COL8A2: variants seen among roughly 807,000 people sequenced by gnomAD.
COL8A2 encodes the protein collagen alpha-2(VIII) chain.
A neutral mutation model predicts 24.0 loss-of-function variants in COL8A2; 16 were observed. That is an observed-to-expected ratio of 0.67 (90% CI 0.45 to 1.01). COL8A2 has a LOEUF of 1.01. Ranked by LOEUF, COL8A2 falls within the 50% of genes least tolerant of loss-of-function variation. The pLI, the probability that COL8A2 is intolerant of heterozygous loss-of-function variation, is 0.00. For missense variants in COL8A2, 818 were observed against 942.4 expected (o/e 0.87, Z 1.73); for synonymous variants, 466 against 424.5 (o/e 1.10, Z -1.20).
At chr1:36,124,976 T>C (rs1026186665) in intron 1 of COL8A2, 81 bp downstream of exon 1, 22 of 478,448 alleles carry the variant, frequency 4.6e-5, no homozygotes, top group Non-Finnish European at 5.7e-5. Context: ...CTATCCCGCA[T>C]GGTGTTGGGG....
intron 2 of COL8A2, among the ~76,000 whole-genome samples, chr1:36,106,183 G>A (rs1400247651): frequency 2.0e-5 from 3 of 151,778 alleles, no homozygotes; most frequent in Non-Finnish European, 4.4e-5. Flanking sequence ...AGAATCACTG[G>A]AATCCAGGGG....
In COL8A2 at chr1:36,115,412, C is replaced by A. The variant is rs906672967; in HGVS notation, c.-17+296G>T. ...GGGGCTGGGCTGGGCAGGGAGGGGG[C>A]CTGGCGGGAGCACAGCCAGGCCACT... On this transcript the variant is annotated intron_variant, in intron 2 of 3. Coordinates refer to ENST00000397799, the MANE Select transcript of COL8A2 (RefSeq NM_005202.4). This position sits in a 1 kb window ranked among gnomAD's most constrained non-coding sequence, Gnocchi z 5.7. 3.3e-5 allele frequency among the ~76,000 whole-genome samples: 5 copies of A among 152,174 alleles called. No homozygotes were observed. The highest frequency in any genetic ancestry group is 6.5e-5 in the Admixed American group (1 of 15,270).
intron 2 of COL8A2, among the ~76,000 whole-genome samples, chr1:36,113,005 G>A (rs1216010520): frequency 6.6e-6 from 1 of 152,202 alleles, no homozygotes; most frequent in African/African-American, 2.4e-5. Flanking sequence ...TCCTGGAGGA[G>A]GAGGCATGCT....
rs764178131 is a variant in COL8A2 at position 36,115,812 on chromosome 1, A to G, written c.-61-60T>C. 153 of 944,270 alleles carry G rather than the reference A, an allele frequency of 1.6e-4. No individual in the cohort carries two copies. Among genetic ancestry groups the G allele is most frequent in the Non-Finnish European group, 1.9e-4 (147 of 792,584 alleles). 58.5% of individuals were successfully genotyped at this position (944,270 alleles called of 1,614,324 possible). A position where few individuals can be genotyped will look rare whatever the true frequency, so the allele number is the denominator to read the frequency against. The stretch of plus-strand genomic sequence containing the variant: ...GGCAGTGGCTCAAGCTTGTAATCCC[A>G]GCACTTTGGGAGGCTAAGGTGGGAA... On this transcript the variant is annotated intron_variant, in intron 1 of 3. Transcript: ENST00000397799. This position sits in a 1 kb window ranked among gnomAD's most constrained non-coding sequence, Gnocchi z 5.7.
At chr1:36,101,954 G>A (rs906747207) in intron 2 of COL8A2, among the ~76,000 whole-genome samples, 5 of 152,028 alleles carry the variant, frequency 3.3e-5, no homozygotes, top group Admixed American at 1.3e-4. Context: ...AGAGGTGGGT[G>A]AATTGTCTGA....
chr1:36,098,165 T>G lies in COL8A2; in HGVS notation c.1516A>C (p.Thr506Pro). ...RAGEPGTAGP[T>P]GPPGVPGSPG... ...GAGCCAGGGACCCCTGGGGGCCCCG[T>G]GGGCCCAGCCGTGCCAGGTTCCCCT... The change falls in exon 4 of 4, where the codon ACG (threonine) becomes CCG (proline). Residue 506 changes from threonine to proline, a missense_variant. Physicochemically the swap from Thr to Pro is conservative, Grantham distance 38 (BLOSUM62 -1). Coordinates refer to ENST00000397799, the MANE Select transcript of COL8A2 (RefSeq NM_005202.4). 2.0e-6 allele frequency: 3 copies of G among 1,493,244 alleles called. No homozygotes were observed. Among genetic ancestry groups the G allele is most frequent in the Non-Finnish European group, 1.8e-6 (2 of 1,125,430 alleles). The allele number at this position is 1,493,244 out of a possible 1,614,324, so 92.5% of individuals were successfully genotyped here. A position where few individuals can be genotyped will look rare whatever the true frequency, so the allele number is the denominator to read the frequency against.
chr1:36,100,559 C>T (rs564334612), intron 2 of COL8A2, among the ~76,000 whole-genome samples: 2 of 152,208 alleles, frequency 1.3e-5, no homozygotes, highest in South Asian at 2.1e-4. Flanking sequence ...TCTCTGCAGC[C>T]GGGCGTGCCT....
intron 1 of COL8A2, among the ~76,000 whole-genome samples, chr1:36,119,634 G>A (rs1177659071): frequency 1.3e-5 from 2 of 152,210 alleles, no homozygotes; most frequent in Non-Finnish European, 2.9e-5. Flanking sequence ...GCAGAGCCGT[G>A]GTCGCCTGTC....
At chr1:36,117,105 G>C (rs1643883313) in intron 1 of COL8A2, among the ~76,000 whole-genome samples, 1 of 152,228 alleles carries the variant, frequency 6.6e-6, no homozygotes, top group Admixed American at 6.5e-5. Flanking sequence ...GCCTCTGCCT[G>C]CTCCCATGGA....
chr1:36,097,670 C>A lies in COL8A2; in HGVS notation c.2011G>T (p.Asp671Tyr). The A allele has an allele frequency of 1.9e-6, 3 of 1,613,584 alleles. No homozygotes were observed. The highest frequency in any genetic ancestry group is 2.2e-5 in the South Asian group (2 of 91,038). The change falls in exon 4 of 4, where the codon GAC (aspartate) becomes TAC (tyrosine). Residue 671 changes from aspartate to tyrosine, a missense_variant. This residue lies in a region of COL8A2 where 235 missense variants were observed against 297.3 expected (regional missense o/e 0.79). Transcript: ENST00000397799. ...GGAVLQLRPN[D>Y]QVWVQMPSDQ... is the part of the protein sequence containing the mutation. ...GACGGCATCTGCACCCAGACCTGGT[C>A]GTTGGGCCGCAGCTGGAGCACGGCC...
chr1:36,120,406 T>TCG (rs1367845106), intron 1 of COL8A2, among the ~76,000 whole-genome samples: 63 of 152,036 alleles, frequency 4.1e-4, no homozygotes, highest in African/African-American at 1.4e-3. Context: ...TGAGCCAAGA[T>TCG]TGCACCACTG....
Position 36,125,094 on chromosome 1 carries a change from G to C in COL8A2, c.-99C>G. ...CCGCCGGGCGCCGCTCCCGGCCCTC[G>C]AGGGCGGCCCGGGCGGCGAGGGCTC... On this transcript the variant is annotated 5_prime_UTR_variant, in exon 1 of 4. Coordinates refer to ENST00000397799, the MANE Select transcript of COL8A2 (RefSeq NM_005202.4). This position sits in a 1 kb window ranked among gnomAD's most constrained non-coding sequence, Gnocchi z 4.5. 2 of 978,494 alleles carry C rather than the reference G, an allele frequency of 2.0e-6. No homozygotes were observed. The highest frequency in any genetic ancestry group is 9.4e-5 in the South Asian group (2 of 21,198). 60.6% of individuals were successfully genotyped at this position (978,494 alleles called of 1,614,324 possible).
rs747964282 is a variant in COL8A2, at chr1:36,098,140, G to T, written c.1541C>A (p.Ser514Tyr). 6.7e-7 allele frequency: 1 copy of T among 1,481,902 alleles called. No individual in the cohort carries two copies. The highest frequency in any genetic ancestry group is 8.9e-7 in the Non-Finnish European group (1 of 1,124,156). The allele number at this position is 1,481,902 out of a possible 1,614,324, so 91.8% of individuals were successfully genotyped here. The change falls in exon 4 of 4, where the codon TCC (serine) becomes TAC (tyrosine). Residue 514 changes from serine to tyrosine, a missense_variant. Coordinates refer to ENST00000397799, the MANE Select transcript of COL8A2 (RefSeq NM_005202.4). ...CCCCGGAGGGCCCGTGATTCCAGGGGAGCCAGGGACCCCTGGGGGCCCCGT... is the reference window on the plus strand; with the variant it reads ...CCCCGGAGGGCCCGTGATTCCAGGGTAGCCAGGGACCCCTGGGGGCCCCGT... ...GPTGPPGVPGSPGITGPPGPP... is the reference protein window; with the variant it reads ...GPTGPPGVPGYPGITGPPGPP...
chr1:36,116,073 G>A lies in COL8A2; in HGVS notation c.-61-321C>T, dbSNP rs1468843640. Among the ~76,000 whole-genome samples the A allele has an allele frequency of 4.0e-5, 6 of 149,928 alleles. No homozygotes were observed. The South Asian group carries it at 6.4e-4, about 16-fold the overall frequency. ...GACTCTGTCTCAAAAAAAAAAAAAAGGAGGAACAGTGAGACGATGACATCA... is the reference window on the plus strand; with the variant it reads ...GACTCTGTCTCAAAAAAAAAAAAAAAGAGGAACAGTGAGACGATGACATCA... On this transcript the variant is annotated intron_variant, in intron 1 of 3. Coordinates refer to ENST00000397799, the MANE Select transcript of COL8A2 (RefSeq NM_005202.4).
At chr1:36,117,548 T>C (rs1032400527) in intron 1 of COL8A2, among the ~76,000 whole-genome samples, 1 of 152,204 alleles carries the variant, frequency 6.6e-6, no homozygotes, top group Non-Finnish European at 1.5e-5. Context: ...TAACTAATCA[T>C]AGCTAATATT....
chr1:36,120,916 T>C (rs1287163114), intron 1 of COL8A2, among the ~76,000 whole-genome samples: 3 of 148,922 alleles, frequency 2.0e-5, no homozygotes, highest in Admixed American at 6.7e-5. Context: ...TGGTGAAACC[T>C]TGTCTCTACT....
At chr1:36,109,430 C>T (rs1643807700) in intron 2 of COL8A2, among the ~76,000 whole-genome samples, 1 of 152,176 alleles carries the variant, frequency 6.6e-6, no homozygotes, top group East Asian at 1.9e-4. Context: ...CTAAGGCCCT[C>T]CTAGTTCCAG....
At chr1:36,124,776 G>A (rs538452857) in intron 1 of COL8A2, among the ~76,000 whole-genome samples, 1 of 152,028 alleles carries the variant, frequency 6.6e-6, no homozygotes, top group East Asian at 1.9e-4. Flanking sequence ...ATCGTCGGGG[G>A]TTGCACCCGG....
In COL8A2 at chr1:36,099,432, C is replaced by T; in HGVS notation, c.249G>A (p.Gly83=). The T allele has an allele frequency of 6.5e-7, 1 of 1,545,756 alleles. No individual in the cohort carries two copies. Among genetic ancestry groups the T allele is most frequent in the Non-Finnish European group, 8.7e-7 (1 of 1,150,458 alleles). ...CAGGGGGACCCCGAGGCCCGGGCTT[C>T]CCAGGGGGGCCGGGCTCTCCCTTCA... ...MDLKGEPGPP[G]KPGPRGPPGP... The change falls in exon 4 of 4, where the codon GGG becomes GGA. Residue 83 remains glycine, a synonymous_variant. Transcript: ENST00000397799.
Sources: allele counts gnomAD v4.1 joint callset (sites outside exome capture counted in the v4.1 genomes callset), GRCh38; gene constraint gnomAD v4.1.1; regional missense constraint gnomAD v4.1.1; non-coding constraint Gnocchi (gnomAD v3.1); transcripts MANE v1.5; gene names NCBI Gene and HGNC (gene_info 2026-07-23, HGNC 2026-07-21).